The following ROBO1 variants were observed in gnomAD, a reference collection of about 807,000 sequenced individuals.
ROBO1 encodes roundabout homolog 1.
A neutral mutation model predicts 195.9 loss-of-function variants in ROBO1; 149 were observed. The observed-to-expected ratio is 0.76, with a 90% CI of 0.67 to 0.87. The LOEUF (loss-of-function observed/expected upper bound fraction) is 0.87, where lower values mean the gene tolerates loss of function less well. ROBO1 is among the 40% of genes least tolerant of loss of function. The probability of loss-of-function intolerance (pLI) is 0.00; values close to 1 mark genes in which losing one functional copy is unlikely to be tolerated. For missense variants in ROBO1, 1,933 were observed against 2,068.3 expected, an observed-to-expected ratio of 0.93 and a Z score of 1.27; for synonymous variants, 816 against 733.2, an observed-to-expected ratio of 1.11 and a Z score of -1.82.
chr3:79,572,889 A>G (rs112119611), intron 2 of ROBO1, among the ~76,000 whole-genome samples: 4 of 152,192 alleles, frequency 2.6e-5, no homozygotes, highest in East Asian at 1.9e-4. Context: ...TACCTAACCT[A>G]CAATCAGATA....
chr3:79,574,034 T>C (rs1202506947), intron 2 of ROBO1, among the ~76,000 whole-genome samples: 4 of 152,132 alleles, frequency 2.6e-5, no homozygotes, highest in Non-Finnish European at 5.9e-5. Flanking sequence ...ATTGAGTCCA[T>C]GGATTTCCTG....
At chr3:79,530,456 A>C (rs1941602689) in intron 2 of ROBO1, among the ~76,000 whole-genome samples, 1 of 152,198 alleles carries the variant, frequency 6.6e-6, no homozygotes, top group African/African-American at 2.4e-5. Context: ...ATCTGTCAAA[A>C]TGTACATTGA....
At chr3:79,633,357 T>TTC (rs1456502528) in intron 1 of ROBO1, among the ~76,000 whole-genome samples, 1 of 147,810 alleles carries the variant, frequency 6.8e-6, no homozygotes, top group Admixed American at 6.7e-5. Context: ...GCATTTCTTT[T>TTC]TTTTTTTTTT....
chr3:79,196,778 C>T (rs978440514), intron 2 of ROBO1, among the ~76,000 whole-genome samples: 1 of 151,678 alleles, frequency 6.6e-6, no homozygotes, highest in Non-Finnish European at 1.5e-5. Flanking sequence ...AATGTACTTG[C>T]TGCTCCAGGT....
At chr3:79,441,224 A>T (rs971279085) in intron 2 of ROBO1, among the ~76,000 whole-genome samples, 1 of 152,170 alleles carries the variant, frequency 6.6e-6, no homozygotes, top group African/African-American at 2.4e-5. Flanking sequence ...TATTAGCAAT[A>T]ACACTTAACA....
At chr3:79,157,251 G>A (rs2080875336) in intron 2 of ROBO1, among the ~76,000 whole-genome samples, 1 of 151,772 alleles carries the variant, frequency 6.6e-6, no homozygotes, top group Admixed American at 6.6e-5. Context: ...TAATTTTTTA[G>A]TGTCTACCAT....
At chr3:78,627,180 T>C in intron 26 of ROBO1, 141 bp downstream of exon 26, 1 of 856,522 alleles carries the variant, frequency 1.2e-6, no homozygotes, top group Middle Eastern at 3.2e-4. Context: ...ATATGTTAAT[T>C]GCCTGGGTTT....
intron 4 of ROBO1, among the ~76,000 whole-genome samples, chr3:78,801,973 T>C (rs1241732303): frequency 6.6e-6 from 1 of 152,136 alleles, no homozygotes; most frequent in African/African-American, 2.4e-5. Flanking sequence ...TTAAAATACA[T>C]TTAAAAGAGA....
intron 5 of ROBO1, among the ~76,000 whole-genome samples, chr3:78,724,922 G>A (rs1227396693): frequency 2.6e-5 from 4 of 152,044 alleles, no homozygotes; most frequent in Admixed American, 6.5e-5. Flanking sequence ...CTCTTCCTGC[G>A]GCTGGATTTG....
At chr3:79,446,218 A>T (rs1205311876) in intron 2 of ROBO1, among the ~76,000 whole-genome samples, 1 of 152,208 alleles carries the variant, frequency 6.6e-6, no homozygotes, top group African/African-American at 2.4e-5. Context: ...TCTTTAGTCA[A>T]AATAAGTGGC....
At position 78,627,309 on chromosome 3, in the gene ROBO1, G is replaced by A. The variant is rs747358559; in HGVS notation, c.3875+12C>T. On this transcript the variant is annotated intron_variant, in intron 26 of 30. Coordinates refer to ENST00000464233, the MANE Select transcript of ROBO1 (RefSeq NM_002941.4). ...TCTGATTTGTTAGCAAAGAAGGCTAGTGACAACATACCTCCTGTCGGGCTG... is the reference window on the plus strand; with the variant it reads ...TCTGATTTGTTAGCAAAGAAGGCTAATGACAACATACCTCCTGTCGGGCTG... 31 of 1,608,000 alleles carry A rather than the reference G, an allele frequency of 1.9e-5. No individual in the cohort carries two copies. Among genetic ancestry groups the A allele is most frequent in the Non-Finnish European group, 2.6e-5 (31 of 1,176,574 alleles).
At chr3:78,919,187 G>T (rs1178853451) in intron 4 of ROBO1, among the ~76,000 whole-genome samples, 1 of 152,094 alleles carries the variant, frequency 6.6e-6, no homozygotes, top group African/African-American at 2.4e-5. Flanking sequence ...CTTCAAACAG[G>T]CTCAAGTGTA....
At chr3:79,731,568 G>A (rs1177382529) in intron 1 of ROBO1, among the ~76,000 whole-genome samples, 7 of 152,060 alleles carry the variant, frequency 4.6e-5, no homozygotes. Context: ...GCTGTAAGGA[G>A]TCTGTAATTC....
intron 4 of ROBO1, among the ~76,000 whole-genome samples, chr3:78,907,624 G>T (rs2038002627): frequency 6.6e-6 from 1 of 151,998 alleles, no homozygotes; most frequent in Non-Finnish European, 1.5e-5. Context: ...ACATGAAAAA[G>T]AAATATTACA....
chr3:79,500,696 T>C (rs1246226601), intron 2 of ROBO1, among the ~76,000 whole-genome samples: 1 of 152,192 alleles, frequency 6.6e-6, no homozygotes, highest in African/African-American at 2.4e-5. Context: ...AGGAATGATA[T>C]TAGCGAAGTA....
intron 2 of ROBO1, among the ~76,000 whole-genome samples, chr3:79,551,666 G>T (rs2107676198): frequency 6.6e-6 from 1 of 152,082 alleles, no homozygotes; most frequent in African/African-American, 2.4e-5. Context: ...TCCTATCCTT[G>T]ATGTATCTAG....
chr3:79,483,935 AAAG>A (rs1559931975), intron 2 of ROBO1, among the ~76,000 whole-genome samples: 1 of 152,128 alleles, frequency 6.6e-6, no homozygotes, highest in Non-Finnish European at 1.5e-5. Context: ...GGAGAGTTGA[AAAG>A]AAAAGCGTGG....
chr3:79,675,266 G>T (rs1946751422), intron 1 of ROBO1, among the ~76,000 whole-genome samples: 1 of 151,914 alleles, frequency 6.6e-6, no homozygotes, highest in African/African-American at 2.4e-5. Context: ...CTTTTGCTTT[G>T]AAATTTTATA....
rs763700431 is a variant in ROBO1 at position 79,019,247 on chromosome 3, C to G, written c.173-80320G>C. On this transcript the variant is annotated intron_variant, in intron 3 of 30. Coordinates refer to ENST00000464233, the MANE Select transcript of ROBO1 (RefSeq NM_002941.4). ...CGCTCGCAGGCACCCCTAAACTACG[C>G]AGAAGCCCAAACTTCCTGGGGGCAG... 25 of 985,782 alleles carry G rather than the reference C, an allele frequency of 2.5e-5. 1 individual carries two copies. The highest frequency in any genetic ancestry group is 1.0e-3 in the Middle Eastern group (2 of 1,938). 61.1% of individuals were successfully genotyped at this position (985,782 alleles called of 1,614,324 possible).
Sources: allele counts gnomAD v4.1 joint callset (sites outside exome capture counted in the v4.1 genomes callset), GRCh38; gene constraint gnomAD v4.1.1; transcripts MANE v1.5; gene names NCBI Gene and HGNC (gene_info 2026-07-23, HGNC 2026-07-21).